ZZEF1: variants seen among roughly 807,000 people sequenced by gnomAD.
The protein encoded by ZZEF1 is zinc finger ZZ-type and EF-hand domain containing 1.
Under a neutral mutation model 342.8 loss-of-function variants are expected in ZZEF1, and 157 were observed. The ratio of observed to expected loss-of-function variants is 0.46; its 90% CI spans 0.40 to 0.52. The LOEUF is 0.52. Among genes scored for constraint, ZZEF1 ranks in the 20% least tolerant of loss-of-function variants. The pLI is 0.00. For missense variants in ZZEF1, 3,480 were observed against 3,725.6 expected (o/e 0.93, Z 1.72); for synonymous variants, 1,505 against 1,429.1 (o/e 1.05, Z -1.20).
At chr17:4,054,531 G>A (rs895324844) in intron 33 of ZZEF1, among the ~76,000 whole-genome samples, 15 of 152,306 alleles carry the variant, frequency 9.8e-5, no homozygotes, top group African/African-American at 2.4e-4. Context: ...TAGACGGGTC[G>A]GGGTAAGGGA....
chr17:4,033,274 A>C, intron 40 of ZZEF1: 2 of 341,668 alleles, frequency 5.9e-6, no homozygotes, highest in Non-Finnish European at 1.1e-5. Flanking sequence ...ATATTCAAAC[A>C]CAGAAGAAAA....
At chr17:4,111,232 C>T (rs2058292306) in intron 5 of ZZEF1, among the ~76,000 whole-genome samples, 1 of 152,048 alleles carries the variant, frequency 6.6e-6, no homozygotes, top group Non-Finnish European at 1.5e-5. Context: ...CACTTACACA[C>T]ACAAATACAC....
At chr17:4,092,362 A>C (rs1453135685) in intron 11 of ZZEF1, among the ~76,000 whole-genome samples, 1 of 144,904 alleles carries the variant, frequency 6.9e-6, no homozygotes, top group Admixed American at 7.1e-5. Flanking sequence ...GCAGTGGCAC[A>C]ATCTTGGCTC....
At chr17:4,057,700 A>G (rs2057194393) in intron 32 of ZZEF1, among the ~76,000 whole-genome samples, 1 of 152,252 alleles carries the variant, frequency 6.6e-6, no homozygotes, top group Non-Finnish European at 1.5e-5. Context: ...CCACCAATGT[A>G]CATAGCTCTA....
intron 1 of ZZEF1, among the ~76,000 whole-genome samples, chr17:4,128,860 C>T (rs1202777048): frequency 6.7e-6 from 1 of 149,468 alleles, no homozygotes; most frequent in Non-Finnish European, 1.5e-5. Flanking sequence ...CAACCTCCGC[C>T]TCCCGAGTTC....
At chr17:4,133,721 C>A (rs1412072240) in intron 1 of ZZEF1, among the ~76,000 whole-genome samples, 1 of 148,046 alleles carries the variant, frequency 6.8e-6, no homozygotes, top group Non-Finnish European at 1.5e-5. Context: ...TTTTTGCTAT[C>A]TTTTTTTTTT....
chr17:4,036,828 CT>C (rs2056682748), intron 39 of ZZEF1, among the ~76,000 whole-genome samples: 1 of 131,852 alleles, frequency 7.6e-6, no homozygotes. Context: ...CTCTCTCTCT[CT>C]CTCTCTCTCT....
intron 5 of ZZEF1, among the ~76,000 whole-genome samples, chr17:4,112,165 A>C (rs2058322979): frequency 7.0e-6 from 1 of 143,712 alleles, no homozygotes; most frequent in African/African-American, 2.6e-5. Flanking sequence ...TTTTGGTTTG[A>C]GATGGAGTCT....
At chr17:4,094,238 C>T (rs149445541) in intron 11 of ZZEF1, among the ~76,000 whole-genome samples, 6 of 152,226 alleles carry the variant, frequency 3.9e-5, no homozygotes, top group African/African-American at 1.2e-4. Context: ...ACCTCCGGGG[C>T]TCAAGGGATC....
At chr17:4,109,587 G>A (rs569628685) in intron 6 of ZZEF1, 66 bp downstream of exon 6, 29 of 1,531,838 alleles carry the variant, frequency 1.9e-5, no homozygotes, top group Admixed American at 5.1e-5. Flanking sequence ...TCAGTGATAC[G>A]CCCTAAAGGA....
chr17:4,044,102 T>G (rs2056858660), intron 38 of ZZEF1, 122 bp downstream of exon 38: 3 of 1,074,216 alleles, frequency 2.8e-6, no homozygotes, highest in South Asian at 3.1e-5. Context: ...TGAACAGAAC[T>G]GAGAAACCAC....
intron 49 of ZZEF1, among the ~76,000 whole-genome samples, chr17:4,015,253 T>C (rs1303244740): frequency 2.0e-5 from 3 of 152,176 alleles, no homozygotes; most frequent in African/African-American, 7.2e-5. Context: ...TGTGCCTGTA[T>C]GGGACCAAGG....
At chr17:4,013,656 G>C (rs765239884) in intron 51 of ZZEF1, 42 bp from the exon 52 acceptor site, 1 of 1,543,534 alleles carries the variant, frequency 6.5e-7, no homozygotes, top group Non-Finnish European at 8.8e-7. Flanking sequence ...ACAGAGATAC[G>C]TAATAAGTAA....
At chr17:4,057,873 C>T in intron 32 of ZZEF1, 121 bp downstream of exon 32, 1 of 1,061,612 alleles carries the variant, frequency 9.4e-7, no homozygotes, top group Non-Finnish European at 1.3e-6. Context: ...TAGGATGTGG[C>T]AAAGCCAAGA....
rs751821184 is a variant in ZZEF1, at chr17:4,032,235, G to A, written c.6783C>T (p.Cys2261=). 4.3e-6 allele frequency: 7 copies of A among 1,613,160 alleles called. No homozygotes were observed. The highest frequency in any genetic ancestry group is 1.6e-4 in the Middle Eastern group (1 of 6,084). The change falls in exon 42 of 55, where the codon TGC becomes TGT. Residue 2261 remains cysteine, a synonymous_variant. Transcript: ENST00000381638. ...FPQVLCVGTR[C]VYMDNANEPH... ...GTTCATTGGCATTATCCATATAAACGCAGCGGGTTCCCACACAGAGGACCT... is the reference window on the plus strand; with the variant it reads ...GTTCATTGGCATTATCCATATAAACACAGCGGGTTCCCACACAGAGGACCT...
intron 39 of ZZEF1, 42 bp from the exon 40 acceptor site, chr17:4,034,334 C>T: frequency 6.2e-7 from 1 of 1,601,268 alleles, no homozygotes; most frequent in Non-Finnish European, 8.5e-7. Flanking sequence ...ACAAAATCCA[C>T]ATAACCAAAC....
In ZZEF1 at chr17:4,076,627, C is replaced by T. The variant is rs776043756; in HGVS notation, c.3234+10G>A. 4 of 1,604,354 alleles carry T rather than the reference C, an allele frequency of 2.5e-6. No homozygotes were observed. Among genetic ancestry groups the T allele is most frequent in the South Asian group, 2.2e-5 (2 of 90,808 alleles). On this transcript the variant is annotated intron_variant, in intron 21 of 54. Coordinates refer to ENST00000381638, the MANE Select transcript of ZZEF1 (RefSeq NM_015113.4). ...GAACACGGGGCGGCTCAAGTGCTGA[C>T]TCGAGTTACCTTCCTCAGTCCTCCT... is the stretch of plus-strand genomic sequence containing the variant.
intron 3 of ZZEF1, among the ~76,000 whole-genome samples, chr17:4,116,164 C>T (rs1158581264): frequency 6.6e-6 from 1 of 152,122 alleles, no homozygotes; most frequent in Non-Finnish European, 1.5e-5. Context: ...ACTAAAAATA[C>T]AGAAATTAGC....
At chr17:4,107,874 T>C (rs527775407) in intron 6 of ZZEF1, among the ~76,000 whole-genome samples, 48 of 152,284 alleles carry the variant, frequency 3.2e-4, no homozygotes, top group Admixed American at 2.8e-3. Flanking sequence ...CCAGGACTAA[T>C]GCAGGGAACA....
Sources: allele counts gnomAD v4.1 joint callset (sites outside exome capture counted in the v4.1 genomes callset), GRCh38; gene constraint gnomAD v4.1.1; transcripts MANE v1.5; gene names NCBI Gene and HGNC (gene_info 2026-07-23, HGNC 2026-07-21).